The following LRP1B variants were observed in gnomAD, a reference collection of about 807,000 sequenced individuals.
LRP1B encodes the protein low-density lipoprotein receptor-related protein 1B.
Under a neutral mutation model 556.6 loss-of-function variants are expected in LRP1B, and 217 were observed. That is an observed-to-expected ratio of 0.39 (90% CI 0.35 to 0.44). LRP1B has a LOEUF of 0.44. LRP1B is among the 20% of genes least tolerant of loss of function. The pLI is 1.00. For missense variants in LRP1B, 5,053 were observed against 5,620.8 expected, an observed-to-expected ratio of 0.90 and a Z score of 3.23; for synonymous variants, 2,047 against 1,865.8, an observed-to-expected ratio of 1.10 and a Z score of -2.50.
intron 11 of LRP1B, among the ~76,000 whole-genome samples, chr2:141,038,551 T>G (rs1463844607): frequency 1.3e-5 from 2 of 152,114 alleles, no homozygotes; most frequent in Non-Finnish European, 2.9e-5. Flanking sequence ...CAATGACTAT[T>G]ACTACTCCCT....
rs770127595 is a variant in LRP1B, at chr2:140,247,088, G to C, written c.13322C>G (p.Thr4441Arg). ...PKSSKSDHIS[T>R]RSIAIIVPLV... Reference sequence around the variant, plus strand: ...AAATATTAATCTGAGAAACTTACTTGTGCTGATATGATCAGACTTGCTGCT... The same window carrying C: ...AAATATTAATCTGAGAAACTTACTTCTGCTGATATGATCAGACTTGCTGCT... Residue 4441 changes from threonine (T) to arginine (R), a missense_variant and splice_region_variant, in exon 87 of 91, where the codon ACA becomes AGA. Thr to Arg is a moderately conservative substitution (Grantham distance 71). This residue lies in a region of LRP1B where 551 missense variants were observed against 592.0 expected (regional missense o/e 0.93). Transcript: ENST00000389484. 1 of 1,607,114 alleles carries C rather than the reference G, an allele frequency of 6.2e-7. No homozygotes were observed. The highest frequency in any genetic ancestry group is 8.5e-7 in the Non-Finnish European group (1 of 1,174,962).
chr2:141,985,553 C>T (rs571176812), intron 1 of LRP1B, among the ~76,000 whole-genome samples: 12 of 151,726 alleles, frequency 7.9e-5, no homozygotes, highest in African/African-American at 1.9e-4. Flanking sequence ...ATCAGTTAGA[C>T]GTGATGTTAT....
chr2:141,091,231 C>T (rs977149171), intron 7 of LRP1B, among the ~76,000 whole-genome samples: 13 of 151,994 alleles, frequency 8.6e-5, no homozygotes, highest in Admixed American at 1.3e-4. Context: ...AGGACTTTGG[C>T]TTTTGCTCTG....
At chr2:141,677,426 A>G (rs1690926156) in intron 2 of LRP1B, among the ~76,000 whole-genome samples, 1 of 152,178 alleles carries the variant, frequency 6.6e-6, no homozygotes, top group Non-Finnish European at 1.5e-5. Flanking sequence ...CTTTGGGAAC[A>G]TTATTACAGG....
At chr2:142,051,588 T>A (rs1339452871) in intron 1 of LRP1B, among the ~76,000 whole-genome samples, 1 of 151,994 alleles carries the variant, frequency 6.6e-6, no homozygotes, top group East Asian at 1.9e-4. Context: ...GCAATTCTCC[T>A]GCCTCAGCCT....
At chr2:141,524,548 A>C (rs1684631554) in intron 2 of LRP1B, among the ~76,000 whole-genome samples, 1 of 152,062 alleles carries the variant, frequency 6.6e-6, no homozygotes, top group Non-Finnish European at 1.5e-5. Flanking sequence ...TTCTTAAAAC[A>C]TTGTAAGTTT....
chr2:141,510,902 A>C (rs1254190206), intron 2 of LRP1B, among the ~76,000 whole-genome samples: 41 of 44,000 alleles, frequency 9.3e-4, no homozygotes, highest in East Asian at 3.0e-3. Flanking sequence ...ACACACACAC[A>C]CACACACCCC....
intron 41 of LRP1B, among the ~76,000 whole-genome samples, chr2:140,658,054 A>C (rs11899127): frequency 0.015 from 2,315 of 152,256 alleles, 59 homozygotes; most frequent in African/African-American, 0.052. Context: ...CACATTCATA[A>C]GTTAATATCT....
At chr2:141,770,287 TA>T (rs1268418406) in intron 2 of LRP1B, among the ~76,000 whole-genome samples, 2 of 152,246 alleles carry the variant, frequency 1.3e-5, no homozygotes, top group African/African-American at 4.8e-5. Flanking sequence ...TCCTCATTTC[TA>T]AAAATCTGTC....
intron 41 of LRP1B, among the ~76,000 whole-genome samples, chr2:140,627,751 A>G (rs1683717938): frequency 6.6e-6 from 1 of 152,220 alleles, no homozygotes; most frequent in Non-Finnish European, 1.5e-5. Flanking sequence ...AAAAAAGAAT[A>G]TCTCCTGTCA....
intron 2 of LRP1B, among the ~76,000 whole-genome samples, chr2:141,548,479 A>G (rs1460895344): frequency 2.0e-5 from 3 of 152,214 alleles, no homozygotes; most frequent in Non-Finnish European, 4.4e-5. Flanking sequence ...GGAAATGCTT[A>G]CTTGCTTGCT....
chr2:140,423,971 T>A (rs1685554245), intron 66 of LRP1B, among the ~76,000 whole-genome samples: 1 of 152,182 alleles, frequency 6.6e-6, no homozygotes, highest in South Asian at 2.1e-4. Flanking sequence ...TTCATTCTGT[T>A]AATGAATAAT....
intron 2 of LRP1B, among the ~76,000 whole-genome samples, chr2:141,617,894 T>G (rs879877358): frequency 4.6e-5 from 7 of 152,198 alleles, no homozygotes; most frequent in Non-Finnish European, 1.0e-4. Flanking sequence ...TTATTTTATT[T>G]TAAGGCTTAA....
At chr2:142,016,981 T>C (rs933001526) in intron 1 of LRP1B, among the ~76,000 whole-genome samples, 1 of 151,548 alleles carries the variant, frequency 6.6e-6, no homozygotes, top group Non-Finnish European at 1.5e-5. Flanking sequence ...TATATACATA[T>C]ATGTATGTGT....
intron 6 of LRP1B, among the ~76,000 whole-genome samples, chr2:141,196,220 A>G (rs1681743734): frequency 6.6e-6 from 1 of 152,022 alleles, no homozygotes; most frequent in African/African-American, 2.4e-5. Context: ...GGCTTATGGT[A>G]AAAAATAGCA....
At chr2:141,902,376 A>C (rs1233073596) in intron 1 of LRP1B, among the ~76,000 whole-genome samples, 3 of 151,938 alleles carry the variant, frequency 2.0e-5, no homozygotes, top group Non-Finnish European at 2.9e-5. Context: ...GGTTAGAAAA[A>C]GTCCTTAATA....
chr2:141,201,718 T>C (rs867363588), intron 6 of LRP1B, among the ~76,000 whole-genome samples: 2 of 152,150 alleles, frequency 1.3e-5, no homozygotes, highest in Non-Finnish European at 2.9e-5. Flanking sequence ...TCACAACAAA[T>C]AGAAAATAGA....
chr2:141,494,484 C>T (rs549408173), intron 2 of LRP1B, among the ~76,000 whole-genome samples: 2 of 152,018 alleles, frequency 1.3e-5, no homozygotes, highest in African/African-American at 4.8e-5. Context: ...ACTACAGGGC[C>T]TTTGAGTGAG....
chr2:141,106,899 AAAG>A (rs1210717896), intron 7 of LRP1B, among the ~76,000 whole-genome samples: 1 of 152,216 alleles, frequency 6.6e-6, no homozygotes, highest in African/African-American at 2.4e-5. Flanking sequence ...ATTACATGAG[AAAG>A]AATATTCCTA....
Sources: allele counts gnomAD v4.1 joint callset (sites outside exome capture counted in the v4.1 genomes callset), GRCh38; gene constraint gnomAD v4.1.1; regional missense constraint gnomAD v4.1.1; transcripts MANE v1.5; gene names NCBI Gene and HGNC (gene_info 2026-07-23, HGNC 2026-07-21).